Variants in TSN observed in about 807,000 individuals in gnomAD.
TSN encodes translin, also known as component 3 of promoter of RISC.
A neutral mutation model predicts 29.4 loss-of-function variants in TSN; 5 were observed. The ratio of observed to expected loss-of-function variants is 0.17; its 90% confidence interval spans 0.09 to 0.36. The LOEUF is 0.36. Among genes scored for constraint, TSN ranks in the 10% least tolerant of loss-of-function variants. The pLI is 1.00. For synonymous variants in TSN, 106 were observed against 102.2 expected, an observed-to-expected ratio of 1.04 and a Z score of -0.23; for missense variants, 159 against 272.8, an observed-to-expected ratio of 0.58 and a Z score of 2.94.
intron 4 of TSN, 96 bp downstream of exon 4, chr2:121,761,620 G>A: frequency 1.0e-6 from 1 of 970,206 alleles, no homozygotes; most frequent in Non-Finnish European, 1.6e-6. Context: ...AAACAAACAA[G>A]AATTAACTAA....
At chr2:121,765,012 C>A (rs6754121) in intron 5 of TSN, 122 bp from the exon 6 acceptor site, 23 of 840,692 alleles carry the variant, frequency 2.7e-5, no homozygotes, top group Non-Finnish European at 4.3e-5. Context: ...TTGTGTGTAC[C>A]CTGAGATAGA....
At chr2:121,755,935 G>T (rs933518252) in intron 1 of TSN, 90 bp downstream of exon 1, 9 of 1,588,996 alleles carry the variant, frequency 5.7e-6, no homozygotes, top group Non-Finnish European at 7.7e-6. Context: ...AGTCTCGGGC[G>T]GTGGGGACGC....
intron 1 of TSN, 52 bp downstream of exon 1, chr2:121,755,897 C>T (rs2106450638): frequency 1.2e-6 from 2 of 1,611,436 alleles, no homozygotes; most frequent in Middle Eastern, 1.7e-4. Flanking sequence ...CTAGTTGGGC[C>T]ACTTCGCCCG....
In TSN at chr2:121,765,398, C is replaced by G; in HGVS notation, c.*31C>G. On this transcript the variant is annotated 3_prime_UTR_variant, in exon 6 of 6. Coordinates refer to ENST00000389682, the MANE Select transcript of TSN (RefSeq NM_004622.3). ...TCTCCTTGCTCCTGGCCTTGCTGAC[C>G]TCAGCGGTTGCCAGGAAGGGGTGAG... 6.2e-7 allele frequency: 1 copy of G among 1,607,844 alleles called. No individual in the cohort carries two copies. The highest frequency in any genetic ancestry group is 8.5e-7 in the Non-Finnish European group (1 of 1,174,744).
At chr2:121,756,570 C>T in intron 1 of TSN, 2 of 1,204,918 alleles carry the variant, frequency 1.7e-6, no homozygotes, top group South Asian at 1.3e-5. Flanking sequence ...CCGGTATTTA[C>T]ACAGTGCCTC....
At chr2:121,756,088 C>G in intron 1 of TSN, 1 of 747,288 alleles carries the variant, frequency 1.3e-6, no homozygotes, top group Non-Finnish European at 2.1e-6. Flanking sequence ...AGTTTTCCTT[C>G]TTTTCAGCAC....
Position 121,756,592 on chromosome 2 carries a change from T to TC in TSN, c.67-648_67-647insC, listed in dbSNP as rs2074752027. On this transcript the variant is annotated intron_variant, in intron 1 of 5. Coordinates refer to ENST00000389682, the MANE Select transcript of TSN (RefSeq NM_004622.3). ...TTACACAGTGCCTCGCACATAAGTA[T>TC]GCTCAGTGAATATTTTAAAAATGAA... The TC allele has an allele frequency of 2.3e-6, 3 of 1,288,512 alleles. No homozygotes were observed. The African/African-American group carries it at 4.6e-5, about 20-fold the overall frequency. The allele number at this position is 1,288,512 out of a possible 1,614,324, so 79.8% of individuals were successfully genotyped here. A position where few individuals can be genotyped will look rare whatever the true frequency, so the allele number is the denominator to read the frequency against.
chr2:121,759,939 G>T (rs191697563), intron 3 of TSN, among the ~76,000 whole-genome samples: 2 of 152,158 alleles, frequency 1.3e-5, no homozygotes, highest in South Asian at 4.1e-4. Flanking sequence ...CAGTGAAAGC[G>T]TCCCACAAAG....
chr2:121,757,313 A>G lies in TSN; in HGVS notation c.140A>G (p.Gln47Arg), dbSNP rs771508596. The G allele has an allele frequency of 1.2e-6, 2 of 1,614,174 alleles. No homozygotes were observed. The highest frequency in any genetic ancestry group is 1.7e-6 in the Non-Finnish European group (2 of 1,180,004). The change falls in exon 2 of 6, where the codon CAG becomes CGG. Residue 47 changes from glutamine (Q) to arginine (R), a missense_variant. Transcript: ENST00000389682. ...EILTLLQGVHQGAGFQDIPKR... is the reference protein window; with the variant it reads ...EILTLLQGVHRGAGFQDIPKR... ...TTAACTCTACTGCAAGGGGTCCATC[A>G]GGGTGCTGGGTTTCAGGACAGTAAG...
At chr2:121,759,360 GCACT>G (rs1370179439) in intron 3 of TSN, among the ~76,000 whole-genome samples, 1 of 152,150 alleles carries the variant, frequency 6.6e-6, no homozygotes, top group African/African-American at 2.4e-5. Flanking sequence ...TGTAATCCTA[GCACT>G]TTGGGAGGCC....
In TSN at chr2:121,758,916, CAA is replaced by C. The variant is rs560647634; in HGVS notation, c.257+114_257+115del. On this transcript the variant is annotated intron_variant, in intron 3 of 5. Transcript: ENST00000389682. Reference sequence around the variant, plus strand: ...AGGCAAACATCCTGTGTAGAAGTAACAAAAAGAGAAAAAACCGAACTAATAAT... The same window carrying C: ...AGGCAAACATCCTGTGTAGAAGTAACAAAGAGAAAAAACCGAACTAATAAT... The C allele has an allele frequency of 1.9e-3, 1,306 of 673,796 alleles. 14 individuals are homozygous for C. In the African/African-American group the frequency reaches 0.02, roughly 11 times the overall value. The allele number at this position is 673,796 out of a possible 1,614,324, so 41.7% of individuals were successfully genotyped here. A position where few individuals can be genotyped will look rare whatever the true frequency, so the allele number is the denominator to read the frequency against.
At chr2:121,764,694 T>C (rs1271030915) in intron 5 of TSN, among the ~76,000 whole-genome samples, 1 of 152,028 alleles carries the variant, frequency 6.6e-6, no homozygotes, top group Non-Finnish European at 1.5e-5. Context: ...TAGATTCTTA[T>C]CCCAAGTCTG....
intron 3 of TSN, among the ~76,000 whole-genome samples, chr2:121,760,154 TG>T (rs2074803524): frequency 6.6e-6 from 1 of 152,214 alleles, no homozygotes; most frequent in African/African-American, 2.4e-5. Flanking sequence ...CAGTACTGCC[TG>T]AGCTCCACCT....
Position 121,765,284 on chromosome 2 carries a change from G to C in TSN, c.604G>C (p.Val202Leu), listed in dbSNP as rs752917742. 1 of 1,614,168 alleles carries C rather than the reference G, an allele frequency of 6.2e-7. No homozygotes were observed. Among genetic ancestry groups the C allele is most frequent in the East Asian group, 2.2e-5 (1 of 44,884 alleles). The change falls in exon 6 of 6, where the codon GTG becomes CTG. Residue 202 changes from valine (V) to leucine (L), a missense_variant. This residue lies in a region of TSN where 85 missense variants were observed against 178.1 expected (regional missense o/e 0.48). Coordinates refer to ENST00000389682, the MANE Select transcript of TSN (RefSeq NM_004622.3). ...GCGCTACGACGGATTGAAATATGAC[G>C]TGAAGAAAGTAGAGGAAGTGGTCTA... ...RKRYDGLKYD[V>L]KKVEEVVYDL... is the part of the protein sequence containing the mutation.
At chr2:121,757,764 C>T (rs909363160) in intron 2 of TSN, among the ~76,000 whole-genome samples, 4 of 151,892 alleles carry the variant, frequency 2.6e-5, no homozygotes, top group Admixed American at 2.6e-4. Context: ...TCAAGCAATT[C>T]TCCTGCCTCA....
At chr2:121,762,951 T>C in intron 4 of TSN, 54 bp from the exon 5 acceptor site, 1 of 1,474,638 alleles carries the variant, frequency 6.8e-7, no homozygotes, top group Non-Finnish European at 9.3e-7. Context: ...TATTTTTATA[T>C]TCTGAGGCTT....
intron 3 of TSN, among the ~76,000 whole-genome samples, chr2:121,760,281 T>C (rs2074805801): frequency 6.6e-6 from 1 of 152,240 alleles, no homozygotes; most frequent in Admixed American, 6.5e-5. Context: ...CCTGATGATC[T>C]GAAGTGGAAC....
chr2:121,760,106 A>T (rs1199362227), intron 3 of TSN, among the ~76,000 whole-genome samples: 1 of 152,208 alleles, frequency 6.6e-6, no homozygotes, highest in Non-Finnish European at 1.5e-5. Flanking sequence ...TGAGCGAGTG[A>T]AGCTTCATCT....
intron 5 of TSN, among the ~76,000 whole-genome samples, chr2:121,763,458 TAAAATGGGTACC>T (rs1293344369): frequency 1.3e-5 from 2 of 152,154 alleles, no homozygotes; most frequent in Admixed American, 1.3e-4. Context: ...TGTCTGTTTT[TAAAATGGGTACC>T]AAAATTCAGA....
Sources: gnomAD v4.1 joint callset for allele counts (sites outside exome capture counted in the v4.1 genomes callset) on GRCh38, gnomAD v4.1.1 for gene constraint, gnomAD v4.1.1 regional missense constraint, MANE v1.5 for transcripts, NCBI Gene and HGNC (gene_info 2026-07-23, HGNC 2026-07-21) for gene names.